DTX2: variants seen among roughly 807,000 people sequenced by gnomAD.
DTX2 encodes the protein probable E3 ubiquitin-protein ligase DTX2.
DTX2 carries 29 observed loss-of-function variants against 55.3 expected under a neutral mutation model. The ratio of observed to expected loss-of-function variants is 0.52; its 90% CI spans 0.39 to 0.71. The LOEUF (loss-of-function observed/expected upper bound fraction) is 0.71, where lower values mean the gene tolerates loss of function less well. Ranked by LOEUF, DTX2 falls within the 30% of genes least tolerant of loss-of-function variation. The pLI, the probability that DTX2 is intolerant of heterozygous loss-of-function variation, is 0.00. For missense variants in DTX2, 537 were observed against 822.5 expected (o/e 0.65, Z 4.25); for synonymous variants, 276 against 340.4 (o/e 0.81, Z 2.08).
chr7:76,502,500 C>T lies in DTX2; in HGVS notation c.1389+44C>T. The T allele has an allele frequency of 2.5e-6, 4 of 1,589,164 alleles. No individual in the cohort carries two copies. In the South Asian group the frequency reaches 3.4e-5, roughly 13 times the overall value. ...GGCGGAGGCGGGTGGCCCGCCCCCA[C>T]AGTCCTGAGCTGTCCCCTGCAGGGG... On this transcript the variant is annotated intron_variant, in intron 8 of 10. Coordinates refer to ENST00000430490, the MANE Select transcript of DTX2 (RefSeq NM_001102594.3).
At chr7:76,498,856 GGTGAGGGTGTGTGGGGT>G in intron 6 of DTX2, among the ~76,000 whole-genome samples, 1 of 124,220 alleles carries the variant, frequency 8.1e-6, no homozygotes, top group Non-Finnish European at 1.6e-5. Flanking sequence ...GGTGTGTGGA[GGTGAGGGTGTGTGGGGT>G]GTGTGGAGGT....
At chr7:76,475,155 A>G (rs1452944301) in intron 2 of DTX2, among the ~76,000 whole-genome samples, 4 of 151,932 alleles carry the variant, frequency 2.6e-5, no homozygotes, top group Non-Finnish European at 5.9e-5. Context: ...AAATACAAAA[A>G]AAAAAATTAG....
chr7:76,500,077 C>G (rs999324999), intron 6 of DTX2: 1 of 358,800 alleles, frequency 2.8e-6, no homozygotes, highest in Admixed American at 3.7e-5. Context: ...GTAGTTTGTG[C>G]CCGAAGCGGC....
chr7:76,469,380 T>C (rs1380896521), intron 2 of DTX2, among the ~76,000 whole-genome samples: 2 of 144,824 alleles, frequency 1.4e-5, no homozygotes, highest in Non-Finnish European at 3.0e-5. Context: ...TTTTTTTTTT[T>C]ACTGTGAATA....
chr7:76,501,951 C>T (rs371728466), intron 7 of DTX2: 1 of 290,734 alleles, frequency 3.4e-6, no homozygotes, highest in Non-Finnish European at 6.2e-6. Flanking sequence ...TGCAGTGGCA[C>T]AATCTCAGCT....
chr7:76,490,336 A>C (rs577914930), intron 4 of DTX2, among the ~76,000 whole-genome samples: 5 of 87,188 alleles, frequency 5.7e-5, no homozygotes, highest in African/African-American at 1.6e-4. Flanking sequence ...TCACCCCCCC[A>C]AAAAAAGAAA....
At chr7:76,476,824 T>C (rs1353274236) in intron 2 of DTX2, 1 of 151,028 alleles carries the variant, frequency 6.6e-6, no homozygotes, top group Non-Finnish European at 1.5e-5. Context: ...TTGTGTGCCT[T>C]GTCATCCTCT....
In DTX2 at chr7:76,482,878, C is replaced by T; in HGVS notation, c.639C>T (p.Arg213=). 1.2e-6 allele frequency: 2 copies of T among 1,613,820 alleles called. No individual in the cohort carries two copies. Among genetic ancestry groups the T allele is most frequent in the Non-Finnish European group, 8.5e-7 (1 of 1,179,770 alleles). Residue 213 remains arginine (R), a synonymous_variant, in exon 4 of 11, where the codon CGC becomes CGT. Coordinates refer to ENST00000430490, the MANE Select transcript of DTX2 (RefSeq NM_001102594.3). ...GCAGAACTGGCCCCGTGTCAGGCCGCTACCGCCACTCCATGACCAACCTCC... is the reference window on the plus strand; with the variant it reads ...GCAGAACTGGCCCCGTGTCAGGCCGTTACCGCCACTCCATGACCAACCTCC... ...SGSRTGPVSG[R]YRHSMTNLPA...
chr7:76,498,486 C>T (rs1362022284), intron 6 of DTX2, among the ~76,000 whole-genome samples: 2 of 139,966 alleles, frequency 1.4e-5, no homozygotes, highest in African/African-American at 5.4e-5. Context: ...CTTGGTGGGT[C>T]GCCTGGCTGG....
In DTX2 at chr7:76,505,301, C is replaced by G. The variant is rs1812216135; in HGVS notation, c.1642-73C>G. ...TGGGATGGGAAGAACATGGTGCCAA[C>G]CCGTGCCTGCTCACTGAGCCCCTCT... On this transcript the variant is annotated intron_variant, in intron 10 of 10. Transcript: ENST00000430490. The surrounding 1 kb of genome is among the most constrained non-coding windows in gnomAD (Gnocchi z 4.4). 1 of 1,282,110 alleles carries G rather than the reference C, an allele frequency of 7.8e-7. No homozygotes were observed. The highest frequency in any genetic ancestry group is 1.5e-5 in the African/African-American group (1 of 67,880). The allele number at this position is 1,282,110 out of a possible 1,614,324, so 79.4% of individuals were successfully genotyped here. A position where few individuals can be genotyped will look rare whatever the true frequency, so the allele number is the denominator to read the frequency against.
Position 76,480,570 on chromosome 7 carries a change from G to T in DTX2, c.61G>T (p.Val21Leu). ...QVYTSPAAVA[V>L]WEWQDGLGTW... Reference sequence around the variant, plus strand: ...GTACACCAGCCCCGCGGCTGTGGCCGTGTGGGAATGGCAGGACGGGCTGGG... The same window carrying T: ...GTACACCAGCCCCGCGGCTGTGGCCTTGTGGGAATGGCAGGACGGGCTGGG... Residue 21 changes from valine (V) to leucine (L), a missense_variant, in exon 3 of 11, where the codon GTG becomes TTG. Val to Leu is a conservative substitution (Grantham distance 32). Coordinates refer to ENST00000430490, the MANE Select transcript of DTX2 (RefSeq NM_001102594.3). 6.2e-7 allele frequency: 1 copy of T among 1,612,756 alleles called. No individual in the cohort carries two copies. Among genetic ancestry groups the T allele is most frequent in the Non-Finnish European group, 8.5e-7 (1 of 1,179,966 alleles).
Position 76,480,733 on chromosome 7 carries a change from A to G in DTX2, c.224A>G (p.Tyr75Cys). Residue 75 changes from tyrosine to cysteine, a missense_variant, in exon 3 of 11, where the codon TAC (tyrosine) becomes TGC (cysteine). Around this residue, in one of 7 missense-constraint regions of DTX2, gnomAD observed 301 missense variants for 396.6 expected, o/e 0.76. Transcript: ENST00000430490. ...CAGGCAGACCCCTCGCTGGCCCCTT[A>G]CATTATTGACCTCCCCAGCTGGACC... ...LGQADPSLAP[Y>C]IIDLPSWTQF... 2 of 1,612,974 alleles carry G rather than the reference A, an allele frequency of 1.2e-6. No homozygotes were observed. Among genetic ancestry groups the G allele is most frequent in the Non-Finnish European group, 1.7e-6 (2 of 1,179,430 alleles).
chr7:76,498,487 G>A (rs1474347174), intron 6 of DTX2, among the ~76,000 whole-genome samples: 16 of 143,238 alleles, frequency 1.1e-4, no homozygotes, highest in African/African-American at 3.9e-4. Flanking sequence ...TTGGTGGGTC[G>A]CCTGGCTGGC....
At chr7:76,481,575 G>A (rs1291610273) in intron 3 of DTX2, among the ~76,000 whole-genome samples, 1 of 152,078 alleles carries the variant, frequency 6.6e-6, no homozygotes, top group Non-Finnish European at 1.5e-5. Context: ...GGTTGTCACT[G>A]GGGGTGATTT....
rs546463318 is a variant in DTX2, at chr7:76,505,072, G to A, written c.1642-302G>A. On this transcript the variant is annotated intron_variant, in intron 10 of 10. Transcript: ENST00000430490. This position sits in a 1 kb window ranked among gnomAD's most constrained non-coding sequence, Gnocchi z 4.4. The stretch of plus-strand genomic sequence containing the variant: ...AGGGAGGGTGGGTGGGCGGGCGCTC[G>A]TCCAGCAACGGCTGTGGAAGCAGGG... Among the ~76,000 whole-genome samples, 244 of 151,654 alleles carry A rather than the reference G, an allele frequency of 1.6e-3. 3 individuals carry two copies. Among genetic ancestry groups the A allele is most frequent in the African/African-American group, 5.6e-3 (232 of 41,330 alleles).
intron 2 of DTX2, among the ~76,000 whole-genome samples, chr7:76,475,134 G>C (rs111922570): frequency 4.6e-5 from 7 of 150,782 alleles, no homozygotes; most frequent in East Asian, 2.0e-4. Flanking sequence ...TGGTGAAGCC[G>C]CGTCTCTACT....
rs1638075 is a variant in DTX2, at chr7:76,482,677, C to T, written c.438C>T (p.Ala146=). Residue 146 remains alanine (A), a synonymous_variant, in exon 4 of 11, where the codon GCC becomes GCT. Transcript: ENST00000430490. ...GGGGCAACCAGCTCGTGGACTTGGC[C>T]CCCCTGGGGTACAACTACACTGTCA... ...VARGNQLVDL[A]PLGYNYTVNY... The T allele has an allele frequency of 5.6e-6, 9 of 1,613,174 alleles. No individual in the cohort carries two copies. The African/African-American group carries it at 6.7e-5, about 12-fold the overall frequency.
At chr7:76,468,447 C>CCT (rs1807434283) in intron 2 of DTX2, among the ~76,000 whole-genome samples, 1 of 77,676 alleles carries the variant, frequency 1.3e-5, no homozygotes, top group Non-Finnish European at 2.5e-5. Context: ...GGCCCACTGC[C>CCT]ATTTTTTTTT....
chr7:76,480,748 C>G lies in DTX2; in HGVS notation c.239C>G (p.Pro80Arg), dbSNP rs1249950783. The part of the protein sequence containing the change: ...PSLAPYIIDL[P>R]SWTQFRQDTG... ...CTGGCCCCTTACATTATTGACCTCC[C>G]CAGCTGGACCCAGTTCCGCCAGGAC... Residue 80 changes from proline to arginine, a missense_variant, in exon 3 of 11, where the codon CCC becomes CGC. Physicochemically the swap from Pro to Arg is moderately radical, Grantham distance 103. Coordinates refer to ENST00000430490, the MANE Select transcript of DTX2 (RefSeq NM_001102594.3). The G allele has an allele frequency of 1.2e-6, 2 of 1,609,414 alleles. No homozygotes were observed. The highest frequency in any genetic ancestry group is 1.1e-5 in the South Asian group (1 of 90,820).
Sources: gnomAD v4.1 joint callset for allele counts (sites outside exome capture counted in the v4.1 genomes callset) on GRCh38, gnomAD v4.1.1 for gene constraint, gnomAD v4.1.1 regional missense constraint, Gnocchi (gnomAD v3.1) non-coding constraint, MANE v1.5 for transcripts, NCBI Gene and HGNC (gene_info 2026-07-23, HGNC 2026-07-21) for gene names.